The following WWOX variants were observed in gnomAD, a reference collection of about 807,000 sequenced individuals.
The protein encoded by WWOX is WW domain-containing oxidoreductase.
WWOX carries 69 observed loss-of-function variants against 46.2 expected under a neutral mutation model. The ratio of observed to expected loss-of-function variants is 1.49; its 90% CI spans 1.23 to 1.82. The LOEUF (loss-of-function observed/expected upper bound fraction) is 1.82, where lower values mean the gene tolerates loss of function less well. Ranked by LOEUF, WWOX falls within the 40% of genes most tolerant of loss-of-function variation. WWOX has a pLI of 0.00. For synonymous variants in WWOX, 359 were observed against 202.6 expected, an observed-to-expected ratio of 1.77 and a Z score of -6.56; for missense variants, 919 against 542.6, an observed-to-expected ratio of 1.69 and a Z score of -6.89.
At chr16:78,955,387 A>C (rs1476143623) in intron 8 of WWOX, among the ~76,000 whole-genome samples, 1 of 152,130 alleles carries the variant, frequency 6.6e-6, no homozygotes, top group African/African-American at 2.4e-5. Flanking sequence ...CTCAGGTCAG[A>C]CTTGAGGCAA....
At chr16:79,017,803 A>C (rs1386047525) in intron 8 of WWOX, among the ~76,000 whole-genome samples, 1 of 152,194 alleles carries the variant, frequency 6.6e-6, no homozygotes, top group Non-Finnish European at 1.5e-5. Flanking sequence ...TTGCATAACA[A>C]ATTACAGATT....
intron 8 of WWOX, among the ~76,000 whole-genome samples, chr16:78,538,122 G>A (rs1023739530): frequency 5.4e-5 from 8 of 148,230 alleles, no homozygotes; most frequent in Non-Finnish European, 1.2e-4. Flanking sequence ...ATTTAAGTTT[G>A]GCAGTTACCT....
At chr16:78,361,477 T>C (rs1043190823) in intron 5 of WWOX, among the ~76,000 whole-genome samples, 5 of 152,206 alleles carry the variant, frequency 3.3e-5, no homozygotes, top group Non-Finnish European at 7.3e-5. Context: ...GACTTTCTAT[T>C]GTTGGATCTT....
At chr16:78,997,049 C>T (rs1465799347) in intron 8 of WWOX, among the ~76,000 whole-genome samples, 1 of 152,192 alleles carries the variant, frequency 6.6e-6, no homozygotes, top group Admixed American at 6.5e-5. Context: ...AGTGCTGCCA[C>T]AGAGCGGCTG....
intron 8 of WWOX, among the ~76,000 whole-genome samples, chr16:79,201,178 A>G (rs1253684263): frequency 6.6e-6 from 1 of 152,084 alleles, no homozygotes; most frequent in Non-Finnish European, 1.5e-5. Context: ...TTTTCCTACC[A>G]TCCCATATTG....
At chr16:78,795,741 G>C (rs377442318) in intron 8 of WWOX, among the ~76,000 whole-genome samples, 1 of 152,016 alleles carries the variant, frequency 6.6e-6, no homozygotes, top group African/African-American at 2.4e-5. Flanking sequence ...CTCAACCTCA[G>C]GTTTTTCATC....
In WWOX at chr16:78,258,124, G is replaced by A. The variant is rs116219621; in HGVS notation, c.516+93835G>A. ...CCTATAATTAAAAATATTTTATTTC[G>A]GAGACATGGCTCCATTAATTGCACA... On this transcript the variant is annotated intron_variant, in intron 5 of 8. Transcript: ENST00000566780. Among the ~76,000 whole-genome samples the A allele has an allele frequency of 1.9e-3, 282 of 151,988 alleles. 1 individual carries two copies. The highest frequency in any genetic ancestry group is 6.4e-3 in the African/African-American group (267 of 41,448).
intron 8 of WWOX, among the ~76,000 whole-genome samples, chr16:78,825,022 C>G (rs747754325): frequency 1.3e-5 from 2 of 152,174 alleles, no homozygotes; most frequent in Non-Finnish European, 2.9e-5. Context: ...TGTGGTTTCT[C>G]TCTCACCATC....
chr16:78,946,312 C>T (rs2045947315), intron 8 of WWOX, among the ~76,000 whole-genome samples: 2 of 152,170 alleles, frequency 1.3e-5, no homozygotes, highest in Admixed American at 6.5e-5. Flanking sequence ...GTCTCAGTCT[C>T]CCAAGTAGCT....
At chr16:78,605,467 T>A (rs930212307) in intron 8 of WWOX, among the ~76,000 whole-genome samples, 6 of 152,062 alleles carry the variant, frequency 3.9e-5, no homozygotes, top group African/African-American at 1.2e-4. Context: ...CACTCCAGCC[T>A]ATTTTTTTTT....
intron 5 of WWOX, among the ~76,000 whole-genome samples, chr16:78,250,720 A>C (rs910415192): frequency 6.6e-5 from 10 of 152,182 alleles, no homozygotes; most frequent in African/African-American, 2.2e-4. Context: ...CCTTACATAC[A>C]GAAATGGTCC....
chr16:78,564,579 C>G (rs7197266), intron 8 of WWOX, among the ~76,000 whole-genome samples: 24,836 of 152,092 alleles, frequency 0.16, 2,492 homozygotes, highest in African/African-American at 0.28. Flanking sequence ...GGTCTCATAT[C>G]AAGAAAAGAT....
intron 8 of WWOX, among the ~76,000 whole-genome samples, chr16:78,968,541 G>T (rs565436444): frequency 6.6e-6 from 1 of 152,202 alleles, no homozygotes; most frequent in Non-Finnish European, 1.5e-5. Flanking sequence ...TATGATGACT[G>T]TTATAAGTTG....
At chr16:79,200,526 T>C (rs939510090) in intron 8 of WWOX, among the ~76,000 whole-genome samples, 1 of 152,052 alleles carries the variant, frequency 6.6e-6, no homozygotes, top group Admixed American at 6.6e-5. Context: ...TCCACTACAA[T>C]AACACCTGCC....
chr16:78,174,588 C>T (rs537014014), intron 5 of WWOX, among the ~76,000 whole-genome samples: 132 of 152,292 alleles, frequency 8.7e-4, no homozygotes, highest in South Asian at 2.9e-3. Flanking sequence ...TAACTCATTC[C>T]GGCATCAGCT....
intron 8 of WWOX, among the ~76,000 whole-genome samples, chr16:79,107,883 A>G (rs2049341895): frequency 6.6e-6 from 1 of 152,234 alleles, no homozygotes; most frequent in African/African-American, 2.4e-5. Context: ...CAGTTATAGG[A>G]TGAAGTGTCA....
chr16:78,667,028 C>G (rs1043597497), intron 8 of WWOX, among the ~76,000 whole-genome samples: 1 of 152,176 alleles, frequency 6.6e-6, no homozygotes, highest in African/African-American at 2.4e-5. Context: ...CAACTGCTGG[C>G]TGAATTAAAA....
At chr16:78,467,916 C>G (rs1335393248) in intron 8 of WWOX, among the ~76,000 whole-genome samples, 1 of 152,168 alleles carries the variant, frequency 6.6e-6, no homozygotes, top group Non-Finnish European at 1.5e-5. Context: ...AGCCTGGCTT[C>G]TTTTCCACCT....
chr16:78,459,957 A>G (rs534687139), intron 8 of WWOX, among the ~76,000 whole-genome samples: 1 of 151,808 alleles, frequency 6.6e-6, no homozygotes, highest in East Asian at 1.9e-4. Context: ...GGCACACGCC[A>G]GCACACCCAG....
Sources: allele counts gnomAD v4.1 joint callset (sites outside exome capture counted in the v4.1 genomes callset), GRCh38; gene constraint gnomAD v4.1.1; transcripts MANE v1.5; gene names NCBI Gene and HGNC (gene_info 2026-07-23, HGNC 2026-07-21).